LRRC18: variants seen among roughly 807,000 people sequenced by gnomAD.
LRRC18 encodes the protein leucine-rich repeat-containing protein 18.
LRRC18 carries 12 observed loss-of-function variants against 11.2 expected under a neutral mutation model. That is an observed-to-expected ratio of 1.07 (90% CI 0.69 to 1.74). LRRC18 has a LOEUF of 1.74. Among genes scored for constraint, LRRC18 ranks in the 40% most tolerant of loss-of-function variants. The pLI is 0.00. For synonymous variants in LRRC18, 155 were observed against 130.6 expected (o/e 1.19, Z -1.27); for missense variants, 374 against 330.5 (o/e 1.13, Z -1.02).
chr10:48,933,997 C>G, the LRRC18 span, among the ~76,000 whole-genome samples: 10 of 152,058 alleles, frequency 6.6e-5, no homozygotes, highest in Non-Finnish European at 1.5e-4. Flanking sequence ...GCTCAGGGGC[C>G]CTGCAGGGTG....
chr10:48,928,717 G>A, the LRRC18 span, among the ~76,000 whole-genome samples: 2 of 152,178 alleles, frequency 1.3e-5, no homozygotes, highest in African/African-American at 4.8e-5. Flanking sequence ...AGAGTCCACT[G>A]GAGCACCCCA....
At chr10:48,938,544 G>C in the LRRC18 span, among the ~76,000 whole-genome samples, 2 of 152,342 alleles carry the variant, frequency 1.3e-5, no homozygotes, top group East Asian at 1.9e-4. Context: ...CACCTGCTCT[G>C]GGGGCCTGGT....
At chr10:48,911,470 A>G (rs1837998391) in intron 1 of LRRC18, among the ~76,000 whole-genome samples, 1 of 152,250 alleles carries the variant, frequency 6.6e-6, no homozygotes, top group Non-Finnish European at 1.5e-5. Context: ...TTTTAGTTAT[A>G]TAGGCTCTCA....
the LRRC18 span, among the ~76,000 whole-genome samples, chr10:48,931,053 G>T: frequency 2.7e-5 from 4 of 150,046 alleles, no homozygotes; most frequent in Non-Finnish European, 4.4e-5. Context: ...TTTCTAACCA[G>T]AAAAAAAAGG....
At chr10:48,920,032 G>C in the LRRC18 span, among the ~76,000 whole-genome samples, 1 of 151,780 alleles carries the variant, frequency 6.6e-6, no homozygotes, top group Non-Finnish European at 1.5e-5. Flanking sequence ...ATTGAATCCA[G>C]TAACAAGTAA....
At chr10:48,939,755 G>A in the LRRC18 span, among the ~76,000 whole-genome samples, 6 of 152,176 alleles carry the variant, frequency 3.9e-5, no homozygotes, top group Non-Finnish European at 8.8e-5. Context: ...CCTTTGGTTA[G>A]GTGTCCTGGA....
At chr10:48,937,566 A>G in the LRRC18 span, among the ~76,000 whole-genome samples, 7 of 152,334 alleles carry the variant, frequency 4.6e-5, no homozygotes, top group Middle Eastern at 3.4e-3. Context: ...AATGGAAATT[A>G]TGGTAACCTC....
the LRRC18 span, among the ~76,000 whole-genome samples, chr10:48,936,549 G>A: frequency 6.6e-6 from 1 of 152,038 alleles, no homozygotes; most frequent in Non-Finnish European, 1.5e-5. Context: ...AAAATTAAAA[G>A]CACTCAGGCC....
the LRRC18 span, among the ~76,000 whole-genome samples, chr10:48,922,178 G>A: frequency 1.3e-5 from 2 of 152,142 alleles, no homozygotes; most frequent in Non-Finnish European, 2.9e-5. Context: ...GAAAACCCCA[G>A]AAATAAGAAA....
chr10:48,917,248 T>A (rs1341772450), upstream of LRRC18, among the ~76,000 whole-genome samples: 1 of 152,236 alleles, frequency 6.6e-6, no homozygotes, highest in Non-Finnish European at 1.5e-5. Context: ...AAGTGACATG[T>A]GCCTCTATCT....
the LRRC18 span, among the ~76,000 whole-genome samples, chr10:48,931,585 C>T: frequency 6.6e-6 from 1 of 152,186 alleles, no homozygotes; most frequent in Admixed American, 6.5e-5. Context: ...AGGTGAAGAA[C>T]TGTGGGGAAA....
chr10:48,922,784 T>G, the LRRC18 span, among the ~76,000 whole-genome samples: 4 of 152,324 alleles, frequency 2.6e-5, no homozygotes, highest in South Asian at 8.3e-4. Flanking sequence ...AAAAAATGTC[T>G]CAAACGTCTA....
chr10:48,910,843 G>T (rs12254529), intron 1 of LRRC18: 4 of 898,182 alleles, frequency 4.5e-6, no homozygotes, highest in African/African-American at 1.8e-5. Context: ...GTGCTGCAGC[G>T]GGGAAGGGAG....
exon 1 of LRRC18, chr10:48,913,584 G>C (rs367558167): frequency 1.2e-6 from 2 of 1,614,088 alleles, no homozygotes; most frequent in South Asian, 2.2e-5. Context: ...CCTCCTGATG[G>C]AGTCTATGAA....
the LRRC18 span, among the ~76,000 whole-genome samples, chr10:48,934,688 C>A: frequency 6.6e-6 from 1 of 152,322 alleles, no homozygotes; most frequent in South Asian, 2.1e-4. Flanking sequence ...TTACAGTAAG[C>A]GGTAATCAGG....
the LRRC18 span, among the ~76,000 whole-genome samples, chr10:48,939,713 T>C: frequency 6.6e-6 from 1 of 152,242 alleles, no homozygotes; most frequent in Non-Finnish European, 1.5e-5. Context: ...TTAATATGAT[T>C]TTAAAACAAT....
the LRRC18 span, among the ~76,000 whole-genome samples, chr10:48,933,600 C>G: frequency 6.6e-6 from 1 of 152,202 alleles, no homozygotes; most frequent in Non-Finnish European, 1.5e-5. Flanking sequence ...CCTTATAGCT[C>G]ATCCCTCCCT....
At chr10:48,930,745 AATG>A in the LRRC18 span, among the ~76,000 whole-genome samples, 5 of 152,240 alleles carry the variant, frequency 3.3e-5, no homozygotes, top group Non-Finnish European at 7.3e-5. Context: ...TTAAATAATT[AATG>A]TGTAATCATA....
chr10:48,933,360 C>T, the LRRC18 span, among the ~76,000 whole-genome samples: 11 of 152,334 alleles, frequency 7.2e-5, 1 homozygote, highest in South Asian at 1.0e-3. Flanking sequence ...TAGTCAAAGG[C>T]GCATGCCTCG....
Sources: gnomAD v4.1 joint callset for allele counts (sites outside exome capture counted in the v4.1 genomes callset) on GRCh38, gnomAD v4.1.1 for gene constraint, MANE v1.5 for transcripts, NCBI Gene and HGNC (gene_info 2026-07-23, HGNC 2026-07-21) for gene names.